Variants in CLVS1 observed in about 807,000 individuals in gnomAD.
CLVS1 encodes clavesin 1.
CLVS1 carries 10 observed loss-of-function variants against 33.1 expected under a neutral mutation model. That is an observed-to-expected ratio of 0.30 (90% confidence interval 0.19 to 0.51). CLVS1 has a LOEUF of 0.51. Ranked by LOEUF, CLVS1 falls within the 20% of genes least tolerant of loss-of-function variation. CLVS1 has a pLI of 0.97. For missense variants in CLVS1, 343 were observed against 433.4 expected, an observed-to-expected ratio of 0.79 and a Z score of 1.85; for synonymous variants, 163 against 166.1, an observed-to-expected ratio of 0.98 and a Z score of 0.14.
At chr8:61,054,799 T>C (rs1804449034), upstream of CLVS1, among the ~76,000 whole-genome samples, 1 of 152,130 alleles carries the variant, frequency 6.6e-6, no homozygotes, top group Non-Finnish European at 1.5e-5. Flanking sequence ...TGGGAAGAGC[T>C]CTGAGCTTCT....
intron 2 of CLVS1, among the ~76,000 whole-genome samples, chr8:61,175,504 T>C (rs1198018813): frequency 2.6e-5 from 4 of 152,216 alleles, no homozygotes; most frequent in Non-Finnish European, 5.9e-5. Context: ...TGGACTAAGA[T>C]ACCTTAAATG....
chr8:60,971,366 A>C, the CLVS1 span, among the ~76,000 whole-genome samples: 4 of 152,172 alleles, frequency 2.6e-5, no homozygotes. Context: ...GATGAGAGCC[A>C]CTGTGCCCGG....
chr8:61,366,888 C>G (rs1356783574), intron 2 of CLVS1, among the ~76,000 whole-genome samples: 3 of 152,084 alleles, frequency 2.0e-5, no homozygotes, highest in Non-Finnish European at 4.4e-5. Flanking sequence ...CCCTTGACAG[C>G]CCTGATATCA....
chr8:61,289,095 T>C (rs1285049752), intron 1 of CLVS1, among the ~76,000 whole-genome samples: 2 of 152,244 alleles, frequency 1.3e-5, no homozygotes, highest in African/African-American at 4.8e-5. Context: ...GCAAAAGTAG[T>C]AATGATATTC....
At chr8:61,261,992 G>GTGTGTA (rs200948008) in intron 2 of CLVS1, among the ~76,000 whole-genome samples, 32,578 of 128,338 alleles carry the variant, frequency 0.25, 5,224 homozygotes, top group East Asian at 0.75. Context: ...GTGTGTGTGT[G>GTGTGTA]TGTGTGTGTG....
chr8:61,091,169 A>G (rs917091707), intron 1 of CLVS1, among the ~76,000 whole-genome samples: 25 of 152,190 alleles, frequency 1.6e-4, no homozygotes, highest in Non-Finnish European at 1.9e-4. Flanking sequence ...AGGAGGAGTG[A>G]AGCACAGAGG....
intron 1 of CLVS1, among the ~76,000 whole-genome samples, chr8:61,072,197 G>T (rs1318405705): frequency 6.6e-6 from 1 of 152,022 alleles, no homozygotes; most frequent in Non-Finnish European, 1.5e-5. Context: ...AGCTTCACCC[G>T]CTGCCTTCAA....
intron 3 of CLVS1, among the ~76,000 whole-genome samples, chr8:61,378,740 A>G (rs572243788): frequency 3.3e-4 from 50 of 152,170 alleles, no homozygotes; most frequent in Non-Finnish European, 5.1e-4. Flanking sequence ...CCCACAGTGG[A>G]TGGTCAACTC....
chr8:61,126,649 A>G (rs1805978350), intron 1 of CLVS1, among the ~76,000 whole-genome samples: 1 of 152,222 alleles, frequency 6.6e-6, no homozygotes, highest in Non-Finnish European at 1.5e-5. Context: ...TTAAGCACCA[A>G]GGATTTGTTG....
rs1804806001 is a variant in CLVS1, at chr8:61,501,028, A to T, written c.*1486A>T. On this transcript the variant is annotated 3_prime_UTR_variant, in exon 6 of 6. Transcript: ENST00000325897. ...AACAGAAGTAATTTTTATATTATAC[A>T]CTTGGAGAAATAAAGTTGAAACAGA... The T allele has an allele frequency of 6.6e-6, 1 of 152,222 alleles. No homozygotes were observed. The highest frequency in any genetic ancestry group is 6.5e-5 in the Admixed American group (1 of 15,278). 9.4% of individuals were successfully genotyped at this position (152,222 alleles called of 1,614,324 possible). A position where few individuals can be genotyped will look rare whatever the true frequency, so the allele number is the denominator to read the frequency against.
intron 5 of CLVS1, among the ~76,000 whole-genome samples, chr8:61,491,382 T>G (rs1429966299): frequency 6.6e-6 from 1 of 152,178 alleles, no homozygotes; most frequent in Non-Finnish European, 1.5e-5. Context: ...AGCCCAGTGC[T>G]CTTAGTTTAT....
rs561867521 is a variant in CLVS1 at position 61,433,018 on chromosome 8, A to G, written c.631-21123A>G. On this transcript the variant is annotated intron_variant, in intron 3 of 5. Transcript: ENST00000325897. ...ACCCAGGCTGGAGTGCAGTGGCACAATCACAGTTCCCCACAGCCTCAACCT... is the reference window on the plus strand; with the variant it reads ...ACCCAGGCTGGAGTGCAGTGGCACAGTCACAGTTCCCCACAGCCTCAACCT... Among the ~76,000 whole-genome samples, 84 of 152,336 alleles carry G rather than the reference A, an allele frequency of 5.5e-4. 1 individual carries two copies. The Middle Eastern group carries it at 0.027, about 49-fold the overall frequency.
the CLVS1 span, among the ~76,000 whole-genome samples, chr8:61,028,323 T>C: frequency 6.6e-6 from 1 of 152,234 alleles, no homozygotes; most frequent in Admixed American, 6.5e-5. Flanking sequence ...ATGAATTGAT[T>C]GTTAACATTT....
intron 2 of CLVS1, among the ~76,000 whole-genome samples, chr8:61,157,220 A>G (rs114165171): frequency 0.017 from 2,523 of 152,294 alleles, 29 homozygotes; most frequent in African/African-American, 0.024. Flanking sequence ...CATAAAACAC[A>G]TAAAAGTAAG....
intron 2 of CLVS1, among the ~76,000 whole-genome samples, chr8:61,333,388 T>C (rs1811671917): frequency 6.6e-6 from 1 of 152,140 alleles, no homozygotes; most frequent in South Asian, 2.1e-4. Context: ...CCTATAAAGA[T>C]TTCAAGAATA....
rs534287961 is a variant in CLVS1 at position 61,182,206 on chromosome 8, A to C, written c.-152+50346A>C. On this transcript the variant is annotated intron_variant, in intron 2 of 2. Transcript: ENST00000522621. ...CAAGATGGATTAAAGACTTAAATGC[A>C]AAACCCAAAACCATAAAAACCCTAG... is the stretch of plus-strand genomic sequence containing the variant. 3.9e-5 allele frequency among the ~76,000 whole-genome samples: 6 copies of C among 152,330 alleles called. No individual in the cohort carries two copies. In the East Asian group the frequency reaches 1.2e-3, roughly 29 times the overall value.
chr8:61,415,042 A>G (rs191477201), intron 3 of CLVS1, among the ~76,000 whole-genome samples: 17 of 152,354 alleles, frequency 1.1e-4, no homozygotes, highest in African/African-American at 3.8e-4. Flanking sequence ...TTCCCAGTCC[A>G]AAAAACCGAG....
At chr8:61,237,425 G>A (rs1170629120) in intron 2 of CLVS1, among the ~76,000 whole-genome samples, 1 of 152,174 alleles carries the variant, frequency 6.6e-6, no homozygotes. Context: ...CCCAGCCAAG[G>A]TGATAGAGCA....
chr8:61,014,873 A>G, the CLVS1 span, among the ~76,000 whole-genome samples: 2 of 152,236 alleles, frequency 1.3e-5, no homozygotes, highest in African/African-American at 4.8e-5. Context: ...GGATCAATAA[A>G]TGAGGCTGGA....
Sources: allele counts gnomAD v4.1 joint callset (sites outside exome capture counted in the v4.1 genomes callset), GRCh38; gene constraint gnomAD v4.1.1; transcripts MANE v1.5; gene names NCBI Gene and HGNC (gene_info 2026-07-23, HGNC 2026-07-21).